CDH4: variants seen among roughly 807,000 people sequenced by gnomAD.
CDH4 encodes the protein cadherin 4, also known as cadherin-4.
In CDH4, 33 loss-of-function variants were observed where a neutral mutation model predicts 86.0. That is an observed-to-expected ratio of 0.38 (90% confidence interval 0.29 to 0.51). The LOEUF (loss-of-function observed/expected upper bound fraction) is 0.51. Among genes scored for constraint, CDH4 ranks in the 20% least tolerant of loss-of-function variants. The probability of loss-of-function intolerance (pLI) is 0.86; values close to 1 mark genes in which losing one functional copy is unlikely to be tolerated. For synonymous variants in CDH4, 555 were observed against 549.4 expected, an observed-to-expected ratio of 1.01 and a Z score of -0.14; for missense variants, 1,114 against 1,307.4, an observed-to-expected ratio of 0.85 and a Z score of 2.28.
chr20:61,606,760 A>G (rs779455200), intron 2 of CDH4, among the ~76,000 whole-genome samples: 1 of 152,228 alleles, frequency 6.6e-6, no homozygotes, highest in Admixed American at 6.5e-5. Flanking sequence ...TGGGGTCTAA[A>G]TGTTGTAAGT....
At chr20:61,540,858 C>T (rs1373813674) in intron 2 of CDH4, among the ~76,000 whole-genome samples, 2 of 151,910 alleles carry the variant, frequency 1.3e-5, no homozygotes, top group Non-Finnish European at 2.9e-5. Context: ...AGTGATTAGG[C>T]GACCCTGAGA....
chr20:61,568,730 C>A (rs1273732846), intron 2 of CDH4, among the ~76,000 whole-genome samples: 1 of 152,218 alleles, frequency 6.6e-6, no homozygotes. Flanking sequence ...TCAGACACCG[C>A]CTTTTAATGG....
chr20:61,670,739 C>G (rs1284226895), intron 2 of CDH4, among the ~76,000 whole-genome samples: 1 of 152,006 alleles, frequency 6.6e-6, no homozygotes, highest in African/African-American at 2.4e-5. Flanking sequence ...TGGGTGGGGC[C>G]CAGGGTGTCA....
At chr20:61,564,847 G>T (rs2086252156) in intron 2 of CDH4, among the ~76,000 whole-genome samples, 1 of 152,134 alleles carries the variant, frequency 6.6e-6, no homozygotes, top group Non-Finnish European at 1.5e-5. Flanking sequence ...CCCATAGCAG[G>T]CGAGGTCCCC....
intron 2 of CDH4, among the ~76,000 whole-genome samples, chr20:61,692,630 C>A (rs553496266): frequency 3.3e-5 from 5 of 152,270 alleles, no homozygotes; most frequent in South Asian, 2.1e-4. Flanking sequence ...TGTGTCCGTG[C>A]GAGCAAATCC....
At position 61,703,419 on chromosome 20, in the gene CDH4, A is replaced by G. The variant is rs1430003160; in HGVS notation, c.170-40144A>G. 6.6e-6 allele frequency among the ~76,000 whole-genome samples: 1 copy of G among 152,194 alleles called. No homozygotes were observed. Among genetic ancestry groups the G allele is most frequent in the East Asian group, 1.9e-4 (1 of 5,200 alleles). ...GAGACACTGGCAGCAGGGGCATTTC[A>G]TAAGGAGGGGACAGTGTGGCTGGGA... On this transcript the variant is annotated intron_variant, in intron 2 of 15. Coordinates refer to ENST00000614565, the MANE Select transcript of CDH4 (RefSeq NM_001794.5). This position sits in a 1 kb window ranked among gnomAD's most constrained non-coding sequence, Gnocchi z 4.3.
intron 2 of CDH4, among the ~76,000 whole-genome samples, chr20:61,688,831 C>G (rs1312220403): frequency 6.6e-6 from 1 of 152,256 alleles, no homozygotes; most frequent in Non-Finnish European, 1.5e-5. Flanking sequence ...ATTTCACACA[C>G]AGGAGTGTGC....
chr20:61,756,591 T>A (rs1326406590), intron 3 of CDH4, among the ~76,000 whole-genome samples: 5 of 63,006 alleles, frequency 7.9e-5, no homozygotes, highest in African/African-American at 6.2e-5. Flanking sequence ...CCCTGGTCCC[T>A]CCCCCCATCT....
chr20:61,698,155 C>G (rs2087735038), intron 2 of CDH4, among the ~76,000 whole-genome samples: 1 of 152,218 alleles, frequency 6.6e-6, no homozygotes, highest in East Asian at 1.9e-4. Flanking sequence ...GGAGGGGTCC[C>G]CTTGCACGGG....
chr20:61,411,206 C>T (rs1428480202), intron 2 of CDH4, among the ~76,000 whole-genome samples: 1 of 151,718 alleles, frequency 6.6e-6, no homozygotes, highest in Non-Finnish European at 1.5e-5. Flanking sequence ...AATGAGGTGC[C>T]TGCTTTCACG....
At position 61,518,227 on chromosome 20, in the gene CDH4, G is replaced by T. The variant is rs1228328534; in HGVS notation, c.170-225336G>T. Among the ~76,000 whole-genome samples the T allele has an allele frequency of 6.6e-6, 1 of 152,150 alleles. No homozygotes were observed. Among genetic ancestry groups the T allele is most frequent in the South Asian group, 2.1e-4 (1 of 4,830 alleles). On this transcript the variant is annotated intron_variant, in intron 2 of 15. Coordinates refer to ENST00000614565, the MANE Select transcript of CDH4 (RefSeq NM_001794.5). The surrounding 1 kb of genome is among the most constrained non-coding windows in gnomAD (Gnocchi z 6.3). ...CACCACCAGTTCCTAGGACGAGGAA[G>T]CCCGTGCCTCTCCACAGGCTGACTG...
intron 2 of CDH4, among the ~76,000 whole-genome samples, chr20:61,257,514 G>A (rs575473170): frequency 3.9e-5 from 6 of 152,206 alleles, no homozygotes; most frequent in South Asian, 4.2e-4. Context: ...CTTCCGAGAC[G>A]CCGCTCCTGT....
intron 4 of CDH4, among the ~76,000 whole-genome samples, chr20:61,817,261 A>T (rs973230828): frequency 6.6e-6 from 1 of 152,162 alleles, no homozygotes; most frequent in Admixed American, 6.5e-5. Context: ...GGGGCCCCCG[A>T]GTGAGTGCCC....
intron 2 of CDH4, among the ~76,000 whole-genome samples, chr20:61,342,686 C>A (rs891561850): frequency 7.2e-5 from 11 of 152,184 alleles, no homozygotes; most frequent in Admixed American, 1.3e-4. Context: ...CGACTCAGAC[C>A]ATTCATTCTG....
chr20:61,466,381 G>A (rs8115793), intron 2 of CDH4, among the ~76,000 whole-genome samples: 1 of 152,168 alleles, frequency 6.6e-6, no homozygotes, highest in Non-Finnish European at 1.5e-5. Flanking sequence ...AAAAGGGCTG[G>A]ACCCCCATTG....
At chr20:61,531,791 G>C (rs554942158) in intron 2 of CDH4, among the ~76,000 whole-genome samples, 1 of 152,222 alleles carries the variant, frequency 6.6e-6, no homozygotes, top group African/African-American at 2.4e-5. Context: ...GGCCTGGAGC[G>C]AGTGCTCTCA....
intron 8 of CDH4, among the ~76,000 whole-genome samples, chr20:61,900,240 C>T (rs1482612542): frequency 6.6e-6 from 1 of 152,048 alleles, no homozygotes; most frequent in East Asian, 1.9e-4. Context: ...GGAGAAATTA[C>T]GATTCAGCGT....
chr20:61,774,569 T>C (rs554507496), intron 4 of CDH4, among the ~76,000 whole-genome samples: 1 of 152,344 alleles, frequency 6.6e-6, no homozygotes, highest in East Asian at 1.9e-4. Flanking sequence ...ATGTGCAGGT[T>C]TGTTACCTAG....
chr20:61,696,922 G>A (rs2087720509), intron 2 of CDH4, among the ~76,000 whole-genome samples: 1 of 152,186 alleles, frequency 6.6e-6, no homozygotes, highest in Admixed American at 6.5e-5. Flanking sequence ...AATGCAGTTG[G>A]GGAAAAGAGA....
Sources: allele counts gnomAD v4.1 joint callset (sites outside exome capture counted in the v4.1 genomes callset), GRCh38; gene constraint gnomAD v4.1.1; non-coding constraint Gnocchi (gnomAD v3.1); transcripts MANE v1.5; gene names NCBI Gene and HGNC (gene_info 2026-07-23, HGNC 2026-07-21).